CSMD1: variants seen among roughly 807,000 people sequenced by gnomAD.
The protein encoded by CSMD1 is CUB and Sushi multiple domains 1.
CSMD1 carries 213 observed loss-of-function variants against 417.5 expected under a neutral mutation model. The ratio of observed to expected loss-of-function variants is 0.51; its 90% CI spans 0.46 to 0.57. The LOEUF (loss-of-function observed/expected upper bound fraction) is 0.57. CSMD1 is among the 20% of genes least tolerant of loss of function. The pLI, the probability that CSMD1 is intolerant of heterozygous loss-of-function variation, is 0.00. For missense variants in CSMD1, 6,923 were observed against 4,529.7 expected (o/e 1.53, Z -15.17); for synonymous variants, 2,862 against 1,736.8 (o/e 1.65, Z -16.11).
At chr8:3,385,086 T>C (rs1810916424) in intron 18 of CSMD1, among the ~76,000 whole-genome samples, 1 of 99,604 alleles carries the variant, frequency 1.0e-5, no homozygotes, top group African/African-American at 4.4e-5. Context: ...ATATAATTTA[T>C]ATATAAAATA....
At chr8:4,781,403 T>A (rs942770872) in intron 1 of CSMD1, among the ~76,000 whole-genome samples, 2 of 152,192 alleles carry the variant, frequency 1.3e-5, no homozygotes, top group Admixed American at 1.3e-4. Context: ...CTTACCCCCA[T>A]CCAAGAATGC....
At chr8:3,505,337 T>C (rs914753704) in intron 10 of CSMD1, among the ~76,000 whole-genome samples, 2 of 151,944 alleles carry the variant, frequency 1.3e-5, no homozygotes, top group South Asian at 2.1e-4. Context: ...GAGCAAAAGA[T>C]GAAAAGAAGA....
At chr8:4,194,767 T>C (rs1334966575) in intron 3 of CSMD1, among the ~76,000 whole-genome samples, 11 of 152,026 alleles carry the variant, frequency 7.2e-5, no homozygotes, top group Non-Finnish European at 1.6e-4. Context: ...TTTTAACACA[T>C]ATAAAACATT....
intron 46 of CSMD1, among the ~76,000 whole-genome samples, chr8:3,100,802 T>C (rs28413151): frequency 0.031 from 4,654 of 152,218 alleles, 225 homozygotes; most frequent in African/African-American, 0.1. Context: ...ATAGCATAAA[T>C]TGGGATTTAT....
chr8:4,944,112 G>C (rs1808210682), intron 1 of CSMD1, among the ~76,000 whole-genome samples: 1 of 152,150 alleles, frequency 6.6e-6, no homozygotes, highest in Non-Finnish European at 1.5e-5. Flanking sequence ...GCAGATTCAA[G>C]TCTAAATTCT....
intron 2 of CSMD1, among the ~76,000 whole-genome samples, chr8:4,595,193 T>C (rs1275071606): frequency 6.6e-6 from 1 of 151,946 alleles, no homozygotes; most frequent in African/African-American, 2.4e-5. Flanking sequence ...AGAAACATCC[T>C]AAAATGTAGA....
At chr8:4,796,208 C>A (rs1232650251) in intron 1 of CSMD1, among the ~76,000 whole-genome samples, 1 of 151,906 alleles carries the variant, frequency 6.6e-6, no homozygotes, top group Non-Finnish European at 1.5e-5. Flanking sequence ...GCTCCCCCTG[C>A]ATCTAGTTGC....
At chr8:4,735,127 G>A (rs191290079) in intron 1 of CSMD1, among the ~76,000 whole-genome samples, 20 of 152,256 alleles carry the variant, frequency 1.3e-4, no homozygotes, top group Non-Finnish European at 1.5e-4. Flanking sequence ...TTTTGGAGCT[G>A]GTATTCAGGA....
At position 4,232,709 on chromosome 8, in the gene CSMD1, T is replaced by G. The variant is rs148743665; in HGVS notation, c.415+187244A>C. Among the ~76,000 whole-genome samples, 909 of 152,338 alleles carry G rather than the reference T, an allele frequency of 6.0e-3. 6 individuals carry two copies. Among genetic ancestry groups the G allele is most frequent in the Non-Finnish European group, 7.9e-3 (540 of 68,030 alleles). On this transcript the variant is annotated intron_variant, in intron 3 of 69. Transcript: ENST00000635120. ...AAGGAGACATTTTATAAAAGTGTCATGTCAAGCATGATTTAACAGTCGTAA... is the reference window on the plus strand; with the variant it reads ...AAGGAGACATTTTATAAAAGTGTCAGGTCAAGCATGATTTAACAGTCGTAA...
chr8:4,698,869 G>C (rs1247033107), intron 1 of CSMD1, among the ~76,000 whole-genome samples: 2 of 150,266 alleles, frequency 1.3e-5, no homozygotes, highest in Non-Finnish European at 3.0e-5. Context: ...ATACATTTTG[G>C]CAATCCAACT....
At chr8:3,424,368 T>G (rs1813687657) in intron 12 of CSMD1, among the ~76,000 whole-genome samples, 1 of 152,214 alleles carries the variant, frequency 6.6e-6, no homozygotes, top group African/African-American at 2.4e-5. Context: ...ATTGAATAGT[T>G]CGCACATTGC....
chr8:4,229,838 G>C (rs1379483190), intron 3 of CSMD1, among the ~76,000 whole-genome samples: 2 of 152,100 alleles, frequency 1.3e-5, no homozygotes, highest in Non-Finnish European at 2.9e-5. Context: ...AAGAGGGCCG[G>C]GATTTTATCG....
At chr8:4,803,209 A>G (rs1296690634) in intron 1 of CSMD1, among the ~76,000 whole-genome samples, 1 of 152,188 alleles carries the variant, frequency 6.6e-6, no homozygotes, top group Non-Finnish European at 1.5e-5. Context: ...TTCCAAAGTG[A>G]GGATAAATTC....
intron 50 of CSMD1, among the ~76,000 whole-genome samples, chr8:3,040,052 G>C (rs1810985655): frequency 6.6e-6 from 1 of 152,158 alleles, no homozygotes; most frequent in Non-Finnish European, 1.5e-5. Context: ...GGGTGAAAAG[G>C]AGTCTCCTAT....
At chr8:3,775,395 C>A (rs930390651) in intron 5 of CSMD1, among the ~76,000 whole-genome samples, 3 of 152,066 alleles carry the variant, frequency 2.0e-5, no homozygotes, top group Admixed American at 2.0e-4. Context: ...GGCCCAGGTA[C>A]CTGACTCAAA....
chr8:4,076,723 G>C (rs1563091975), intron 3 of CSMD1, among the ~76,000 whole-genome samples: 1 of 152,030 alleles, frequency 6.6e-6, no homozygotes, highest in East Asian at 1.9e-4. Context: ...CTCATCTCTG[G>C]CTCTCCAAGC....
chr8:4,181,933 G>C (rs548335888), intron 3 of CSMD1, among the ~76,000 whole-genome samples: 7 of 138,424 alleles, frequency 5.1e-5, no homozygotes, highest in East Asian at 2.2e-4. Context: ...TACTTTGCTA[G>C]GTGATTCTGT....
In CSMD1 at chr8:3,110,278, G is replaced by C; in HGVS notation, c.6488C>G (p.Pro2163Arg). Residue 2163 changes from proline (P) to arginine (R), a missense_variant, in exon 43 of 70, where the codon CCT becomes CGT. Pro to Arg is a moderately radical substitution (Grantham distance 103). Transcript: ENST00000635120. ...QNGTIYSPGF[P>R]DEYPILKDCI... ...GTCCTTCAGGATCGGATACTCATCA[G>C]GAAAGCCAGGGGAGTAGATGGTGCC... The C allele has an allele frequency of 6.2e-7, 1 of 1,613,548 alleles. No individual in the cohort carries two copies. The highest frequency in any genetic ancestry group is 8.5e-7 in the Non-Finnish European group (1 of 1,179,734).
chr8:4,686,839 G>A (rs971068788), intron 1 of CSMD1, among the ~76,000 whole-genome samples: 1 of 152,212 alleles, frequency 6.6e-6, no homozygotes, highest in Non-Finnish European at 1.5e-5. Context: ...GCAATGAGCT[G>A]CAGGGAGAGA....
Sources: allele counts gnomAD v4.1 joint callset (sites outside exome capture counted in the v4.1 genomes callset), GRCh38; gene constraint gnomAD v4.1.1; transcripts MANE v1.5; gene names NCBI Gene and HGNC (gene_info 2026-07-23, HGNC 2026-07-21).